Variants in NDUFB9 observed in about 807,000 individuals in gnomAD.
NDUFB9 encodes the protein NADH dehydrogenase [ubiquinone] 1 beta subcomplex subunit 9.
A neutral mutation model predicts 30.2 loss-of-function variants in NDUFB9; 24 were observed. The observed-to-expected ratio is 0.80, with a 90% CI of 0.58 to 1.12. The LOEUF (loss-of-function observed/expected upper bound fraction) is 1.12. Among genes scored for constraint, NDUFB9 ranks in the 50% most tolerant of loss-of-function variants. The pLI is 0.00. For missense variants in NDUFB9, 204 were observed against 226.0 expected, an observed-to-expected ratio of 0.90 and a Z score of 0.62; for synonymous variants, 80 against 84.0, an observed-to-expected ratio of 0.95 and a Z score of 0.26.
At position 124,547,014 on chromosome 8, in the gene NDUFB9, C is replaced by A; in HGVS notation, c.309C>A (p.Cys103Ter). ...RYDCYKVPEW[C>*]LDDWHPSEKA... ...TCTCCTGACAGGTCCCAGAATGGTG[C>A]TTAGATGACTGGCATCCTTCTGAGA... Residue 103 changes from cysteine (C) to a stop codon, truncating the protein, a stop_gained, in exon 3 of 4, where the codon TGC (cysteine) becomes TGA (stop). Coordinates refer to ENST00000276689, the MANE Select transcript of NDUFB9 (RefSeq NM_005005.3). LOFTEE classifies it high-confidence loss of function. 2 of 1,611,886 alleles carry A rather than the reference C, an allele frequency of 1.2e-6. No homozygotes were observed. Among genetic ancestry groups the A allele is most frequent in the Non-Finnish European group, 1.7e-6 (2 of 1,179,564 alleles).
intron 3 of NDUFB9, among the ~76,000 whole-genome samples, chr8:124,549,121 C>A (rs1428542091): frequency 6.6e-6 from 1 of 152,222 alleles, no homozygotes; most frequent in Non-Finnish European, 1.5e-5. Flanking sequence ...CCCATCACTT[C>A]AACACTATTA....
chr8:124,542,642 C>T (rs1169958728), intron 1 of NDUFB9, among the ~76,000 whole-genome samples: 1 of 152,144 alleles, frequency 6.6e-6, no homozygotes. Flanking sequence ...TCTGTATGAG[C>T]TAAGCAATAC....
chr8:124,545,758 A>G (rs1586715795), intron 2 of NDUFB9, among the ~76,000 whole-genome samples: 1 of 152,058 alleles, frequency 6.6e-6, no homozygotes, highest in South Asian at 2.1e-4. Context: ...TGGAACTCCT[A>G]CCCTCATAGA....
chr8:124,546,934 G>T, intron 2 of NDUFB9, 66 bp from the exon 3 acceptor site: 1 of 1,056,954 alleles, frequency 9.5e-7, no homozygotes. Flanking sequence ...CATCTCCTGA[G>T]CAGGCCCTGT....
Position 124,543,208 on chromosome 8 carries a change from C to G in NDUFB9, c.223C>G (p.Gln75Glu). 6.2e-7 allele frequency: 1 copy of G among 1,614,204 alleles called. No homozygotes were observed. Among genetic ancestry groups the G allele is most frequent in the Non-Finnish European group, 8.5e-7 (1 of 1,180,022 alleles). Reference protein sequence around the residue: ...KEAEEEFWYRQHPQPYIFPDS... With the variant: ...KEAEEEFWYREHPQPYIFPDS... ...GGCCGAGGAAGAATTCTGGTACCGT[C>G]AGCATCCACAGCCATACATCTTCCC... The change falls in exon 2 of 4, where the codon CAG (glutamine) becomes GAG (glutamate). Residue 75 changes from glutamine (Q) to glutamate (E), a missense_variant. Transcript: ENST00000276689.
At chr8:124,543,410 C>T in intron 2 of NDUFB9, 131 bp downstream of exon 2, 2 of 858,706 alleles carry the variant, frequency 2.3e-6, no homozygotes, top group Admixed American at 4.4e-5. Context: ...TTGTCAGATG[C>T]AGGCCTACCT....
chr8:124,546,768 G>A (rs1822170177), intron 2 of NDUFB9: 1 of 584,670 alleles, frequency 1.7e-6, no homozygotes, highest in South Asian at 2.0e-5. Context: ...AGTTCTCCTT[G>A]GACTGATGAT....
chr8:124,539,355 G>C (rs1821818502), intron 1 of NDUFB9, 68 bp downstream of exon 1: 1 of 1,409,324 alleles, frequency 7.1e-7, no homozygotes, highest in South Asian at 1.2e-5. Context: ...AGAGGCCCCT[G>C]GGTACCTGGA....
At chr8:124,546,883 A>G in intron 2 of NDUFB9, 117 bp from the exon 3 acceptor site, 1 of 791,430 alleles carries the variant, frequency 1.3e-6, no homozygotes, top group Non-Finnish European at 2.3e-6. Flanking sequence ...ACAGTCTGGT[A>G]GTTGCAGTGG....
In NDUFB9 at chr8:124,549,904, C is replaced by A. The variant is rs762137635; in HGVS notation, c.*12C>A. ...AGCGGCCCATGTAGAAAGAGAGAGA[C>A]CTCATCTTTCATGCTTGCAAGTGAA... On this transcript the variant is annotated 3_prime_UTR_variant, in exon 4 of 4. Coordinates refer to ENST00000276689, the MANE Select transcript of NDUFB9 (RefSeq NM_005005.3). The A allele has an allele frequency of 1.9e-6, 3 of 1,614,016 alleles. No individual in the cohort carries two copies. The highest frequency in any genetic ancestry group is 2.5e-6 in the Non-Finnish European group (3 of 1,180,000).
chr8:124,540,606 G>A (rs1215591730), intron 1 of NDUFB9, among the ~76,000 whole-genome samples: 1 of 152,120 alleles, frequency 6.6e-6, no homozygotes, highest in Non-Finnish European at 1.5e-5. Flanking sequence ...AAGCAATACT[G>A]AACTATAGCT....
chr8:124,545,852 C>CT (rs911121830), intron 2 of NDUFB9, among the ~76,000 whole-genome samples: 3 of 150,924 alleles, frequency 2.0e-5, no homozygotes, highest in Non-Finnish European at 4.4e-5. Flanking sequence ...TAAATTATGT[C>CT]TTTTTTTTGG....
In NDUFB9 at chr8:124,549,872, C is replaced by A. The variant is rs1483466002; in HGVS notation, c.520C>A (p.Pro174Thr). ...PPLWWYIVTR[P>T]RERPM is the part of the protein sequence containing the mutation. The stretch of plus-strand genomic sequence containing the variant: ...ACTGTGGTGGTATATTGTGACCAGA[C>A]CCCGGGAGCGGCCCATGTAGAAAGA... Residue 174 changes from proline (P) to threonine (T), a missense_variant, in exon 4 of 4, where the codon CCC (proline) becomes ACC (threonine). By Grantham distance (38) the Pro-to-Thr change is conservative. Transcript: ENST00000276689. 6.2e-7 allele frequency: 1 copy of A among 1,614,180 alleles called. No homozygotes were observed. Among genetic ancestry groups the A allele is most frequent in the Non-Finnish European group, 8.5e-7 (1 of 1,180,018 alleles).
intron 1 of NDUFB9, among the ~76,000 whole-genome samples, chr8:124,540,694 A>G (rs1454762291): frequency 1.3e-5 from 2 of 152,202 alleles, no homozygotes; most frequent in Admixed American, 6.5e-5. Flanking sequence ...AGCATTTTTT[A>G]GATCTGACAT....
At chr8:124,549,398 T>C (rs1822272157) in intron 3 of NDUFB9, among the ~76,000 whole-genome samples, 2 of 152,312 alleles carry the variant, frequency 1.3e-5, no homozygotes, top group South Asian at 4.1e-4. Context: ...CAACAATAAA[T>C]GTTTTTCTGG....
At position 124,543,257 on chromosome 8, in the gene NDUFB9, A is replaced by G. The variant is rs748640862; in HGVS notation, c.272A>G (p.Tyr91Cys). 11 of 1,614,042 alleles carry G rather than the reference A, an allele frequency of 6.8e-6. No individual in the cohort carries two copies. The highest frequency in any genetic ancestry group is 2.2e-5 in the East Asian group (1 of 44,886). Residue 91 changes from tyrosine to cysteine, a missense_variant, in exon 2 of 4, where the codon TAT becomes TGT. Coordinates refer to ENST00000276689, the MANE Select transcript of NDUFB9 (RefSeq NM_005005.3). Reference protein sequence around the residue: ...IFPDSPGGTSYERYDCYKVPE... With the variant: ...IFPDSPGGTSCERYDCYKVPE... Reference sequence around the variant, plus strand: ...CCTGACTCTCCTGGGGGCACCTCCTATGAGAGATACGATTGCTACAAGGTA... The same window carrying G: ...CCTGACTCTCCTGGGGGCACCTCCTGTGAGAGATACGATTGCTACAAGGTA...
chr8:124,539,400 G>A, intron 1 of NDUFB9, 113 bp downstream of exon 1: 1 of 934,126 alleles, frequency 1.1e-6, no homozygotes. Flanking sequence ...TTGGAAGGTG[G>A]CCTCTCGCTT....
rs754423576 is a variant in NDUFB9 at position 124,539,161 on chromosome 8, C to G, written c.-26C>G. The G allele has an allele frequency of 1.9e-6, 3 of 1,613,422 alleles. No homozygotes were observed. Among genetic ancestry groups the G allele is most frequent in the East Asian group, 4.5e-5 (2 of 44,872 alleles). ...AGGCGTGCAGTTTCCCGGCTCTCCG[C>G]GCGGCCGGGGAAGGTCAGCGCCGTA... On this transcript the variant is annotated 5_prime_UTR_variant, in exon 1 of 4. Transcript: ENST00000276689.
intron 2 of NDUFB9, among the ~76,000 whole-genome samples, chr8:124,543,797 A>G (rs1029369687): frequency 1.3e-5 from 2 of 152,210 alleles, no homozygotes; most frequent in South Asian, 2.1e-4. Context: ...CCTATTCCCT[A>G]AGACGCAGCA....
Sources: gnomAD v4.1 joint callset for allele counts (sites outside exome capture counted in the v4.1 genomes callset) on GRCh38, gnomAD v4.1.1 for gene constraint, MANE v1.5 for transcripts, NCBI Gene and HGNC (gene_info 2026-07-23, HGNC 2026-07-21) for gene names.